The following EIPR1 variants were observed in gnomAD, a reference collection of about 807,000 sequenced individuals.
EIPR1 encodes EARP complex and GARP complex interacting protein 1.
A neutral mutation model predicts 48.1 loss-of-function variants in EIPR1; 25 were observed. The ratio of observed to expected loss-of-function variants is 0.52; its 90% CI spans 0.38 to 0.73. The LOEUF (loss-of-function observed/expected upper bound fraction) is 0.73. EIPR1 is among the 30% of genes least tolerant of loss of function. The probability of loss-of-function intolerance (pLI) is 0.00; values close to 1 mark genes in which losing one functional copy is unlikely to be tolerated. For missense variants in EIPR1, 415 were observed against 506.2 expected (o/e 0.82, Z 1.73); for synonymous variants, 204 against 201.9 (o/e 1.01, Z -0.09).
At chr2:3,210,213 A>G (rs1279790288) in intron 5 of EIPR1, among the ~76,000 whole-genome samples, 1 of 152,222 alleles carries the variant, frequency 6.6e-6, no homozygotes, top group Non-Finnish European at 1.5e-5. Context: ...TGCTCTGAAA[A>G]AGACCCTACT....
intron 4 of EIPR1, among the ~76,000 whole-genome samples, chr2:3,236,544 G>A (rs372983345): frequency 1.3e-5 from 2 of 152,144 alleles, no homozygotes; most frequent in South Asian, 2.1e-4. Flanking sequence ...GACACAACTC[G>A]GGCCAGGGAA....
chr2:3,291,076 G>T (rs2103273646), intron 3 of EIPR1, among the ~76,000 whole-genome samples: 1 of 152,324 alleles, frequency 6.6e-6, no homozygotes, highest in East Asian at 1.9e-4. Flanking sequence ...GGCTGGCATT[G>T]ATGAGGATAC....
chr2:3,353,637 G>T (rs748485960), intron 2 of EIPR1, among the ~76,000 whole-genome samples: 1 of 151,994 alleles, frequency 6.6e-6, no homozygotes, highest in Admixed American at 6.6e-5. Flanking sequence ...AATATTCTTC[G>T]TGTATAATGA....
intron 3 of EIPR1, among the ~76,000 whole-genome samples, chr2:3,270,825 CTTAGA>C (rs1023016958): frequency 2.0e-5 from 3 of 152,156 alleles, no homozygotes; most frequent in African/African-American, 7.2e-5. Flanking sequence ...ATGGCAGTTT[CTTAGA>C]TAACAATGAA....
At position 3,277,291 on chromosome 2, in the gene EIPR1, C is replaced by A. The variant is rs145811673; in HGVS notation, c.260-19836G>T. 5.5e-4 allele frequency among the ~76,000 whole-genome samples: 84 copies of A among 152,258 alleles called. No individual in the cohort carries two copies. The East Asian group carries it at 0.014, about 26-fold the overall frequency. On this transcript the variant is annotated intron_variant, in intron 3 of 8. Coordinates refer to ENST00000382125, the MANE Select transcript of EIPR1 (RefSeq NM_003310.5). Reference sequence around the variant, plus strand: ...GGCCCCACACCTGTCTCCACTCACACGGCTCCACACGTGTCCTCTGTTCTC... The same window carrying A: ...GGCCCCACACCTGTCTCCACTCACAAGGCTCCACACGTGTCCTCTGTTCTC...
chr2:3,323,007 T>C (rs569429631), intron 3 of EIPR1, among the ~76,000 whole-genome samples: 45 of 152,032 alleles, frequency 3.0e-4, no homozygotes, highest in African/African-American at 1.0e-3. Context: ...GTTACGAAAA[T>C]GCAAAAACAT....
At chr2:3,284,543 G>A (rs1461347705) in intron 3 of EIPR1, among the ~76,000 whole-genome samples, 2 of 152,284 alleles carry the variant, frequency 1.3e-5, no homozygotes, top group East Asian at 1.9e-4. Flanking sequence ...TGCAGAAAGG[G>A]AAACAGAACC....
intron 4 of EIPR1, among the ~76,000 whole-genome samples, chr2:3,246,751 G>A (rs1258535342): frequency 1.3e-5 from 2 of 149,692 alleles, no homozygotes; most frequent in Non-Finnish European, 3.0e-5. Flanking sequence ...GAGGGAGAGA[G>A]GAAGAGAGGG....
At chr2:3,193,945 G>A in intron 7 of EIPR1, 54 bp downstream of exon 7, 1 of 1,588,350 alleles carries the variant, frequency 6.3e-7, no homozygotes, top group South Asian at 1.1e-5. Flanking sequence ...AAAGTAATTA[G>A]CAAAATCAAT....
At position 3,287,256 on chromosome 2, in the gene EIPR1, C is replaced by T. The variant is rs140801151; in HGVS notation, c.260-29801G>A. Among the ~76,000 whole-genome samples the T allele has an allele frequency of 6.6e-3, 473 of 71,200 alleles. 1 individual carries two copies. Among genetic ancestry groups the T allele is most frequent in the African/African-American group, 8.3e-3 (154 of 18,532 alleles). 46.7% of individuals were successfully genotyped at this position (71,200 alleles called of 152,430 possible). ...CAATCCAGAAAGCTCGTTCACCACA[C>T]TCCAGAAAGCTCATTCACCACACTC... On this transcript the variant is annotated intron_variant, in intron 3 of 8. Coordinates refer to ENST00000382125, the MANE Select transcript of EIPR1 (RefSeq NM_003310.5).
At chr2:3,192,237 G>A (rs939607078) in intron 8 of EIPR1, among the ~76,000 whole-genome samples, 177 bp downstream of exon 8, 1 of 152,206 alleles carries the variant, frequency 6.6e-6, no homozygotes, top group Non-Finnish European at 1.5e-5. Context: ...CCTCCCACCT[G>A]GGCTGCTAAT....
At chr2:3,360,255 T>C (rs1188378664) in intron 1 of EIPR1, among the ~76,000 whole-genome samples, 1 of 151,916 alleles carries the variant, frequency 6.6e-6, no homozygotes, top group East Asian at 1.9e-4. Flanking sequence ...AACACAAAAC[T>C]TAGCTGGGCG....
At chr2:3,263,295 A>G (rs1268106170) in intron 3 of EIPR1, among the ~76,000 whole-genome samples, 2 of 152,182 alleles carry the variant, frequency 1.3e-5, no homozygotes, top group African/African-American at 4.8e-5. Flanking sequence ...ACTGGTTAGA[A>G]GCCTGGAAGT....
Position 3,281,666 on chromosome 2 carries a change from C to T in EIPR1, c.260-24211G>A, listed in dbSNP as rs193036465. On this transcript the variant is annotated intron_variant, in intron 3 of 8. Transcript: ENST00000382125. ...ACTAGCTCCCTTCAGACGGTCAAGGCGGAAACAGCATTGACATTCATTATG... is the reference window on the plus strand; with the variant it reads ...ACTAGCTCCCTTCAGACGGTCAAGGTGGAAACAGCATTGACATTCATTATG... Among the ~76,000 whole-genome samples the T allele has an allele frequency of 1.3e-3, 199 of 152,214 alleles. 1 individual carries two copies. The highest frequency in any genetic ancestry group is 2.6e-3 in the Non-Finnish European group (177 of 68,008).
At chr2:3,224,347 AC>A (rs1665991188) in intron 4 of EIPR1, among the ~76,000 whole-genome samples, 1 of 152,118 alleles carries the variant, frequency 6.6e-6, no homozygotes, top group African/African-American at 2.4e-5. Flanking sequence ...CGCAGCTCCT[AC>A]CATGCGCCCG....
chr2:3,320,662 CAG>C (rs1285627129), intron 3 of EIPR1: 1 of 152,248 alleles, frequency 6.6e-6, no homozygotes, highest in African/African-American at 2.4e-5. Context: ...TCACAACAAA[CAG>C]AACTCAGGTG....
chr2:3,317,039 C>T (rs1669325579), intron 3 of EIPR1, among the ~76,000 whole-genome samples: 1 of 152,098 alleles, frequency 6.6e-6, no homozygotes, highest in Non-Finnish European at 1.5e-5. Context: ...CTACAGTGTA[C>T]CTTGCACATG....
At chr2:3,321,785 G>C (rs1342919432) in intron 3 of EIPR1, among the ~76,000 whole-genome samples, 1 of 152,142 alleles carries the variant, frequency 6.6e-6, no homozygotes, top group African/African-American at 2.4e-5. Context: ...CTCTAGTTCA[G>C]CACCTTCTTT....
chr2:3,307,251 TGTGCC>T (rs1668975011), intron 3 of EIPR1, among the ~76,000 whole-genome samples: 1 of 152,152 alleles, frequency 6.6e-6, no homozygotes, highest in African/African-American at 2.4e-5. Context: ...TGTGAGCCAC[TGTGCC>T]CAGCCCAAAT....
Sources: gnomAD v4.1 joint callset for allele counts (sites outside exome capture counted in the v4.1 genomes callset) on GRCh38, gnomAD v4.1.1 for gene constraint, MANE v1.5 for transcripts, NCBI Gene and HGNC (gene_info 2026-07-23, HGNC 2026-07-21) for gene names.